Variants in AFF1 observed in about 807,000 individuals in gnomAD.
AFF1 encodes the protein AF4/FMR2 family member 1.
In AFF1, 48 loss-of-function variants were observed where a neutral mutation model predicts 121.7. The ratio of observed to expected loss-of-function variants is 0.39; its 90% confidence interval spans 0.31 to 0.50. The LOEUF is 0.50. AFF1 is among the 20% of genes least tolerant of loss of function. The pLI, the probability that AFF1 is intolerant of heterozygous loss-of-function variation, is 0.76. For missense variants in AFF1, 1,523 were observed against 1,511.7 expected, an observed-to-expected ratio of 1.01 and a Z score of -0.12; for synonymous variants, 613 against 563.0, an observed-to-expected ratio of 1.09 and a Z score of -1.26.
intron 2 of AFF1, among the ~76,000 whole-genome samples, chr4:87,001,703 A>AG (rs1193690760): frequency 6.6e-6 from 1 of 152,184 alleles, no homozygotes; most frequent in Non-Finnish European, 1.5e-5. Context: ...TAAGGATAGG[A>AG]GGGCTGCTTT....
intron 2 of AFF1, among the ~76,000 whole-genome samples, chr4:86,984,384 G>C (rs1724041587): frequency 6.8e-6 from 1 of 147,802 alleles, no homozygotes; most frequent in Non-Finnish European, 1.5e-5. Context: ...CTGAGGTGCA[G>C]TGGTGCAATC....
At chr4:86,946,618 C>T (rs1004932435) in intron 1 of AFF1, among the ~76,000 whole-genome samples, 1 of 151,984 alleles carries the variant, frequency 6.6e-6, no homozygotes, top group Admixed American at 6.6e-5. Flanking sequence ...TCTTGAACTC[C>T]TGAGCTCAAG....
At position 87,136,893 on chromosome 4, in the gene AFF1, CTT is replaced by C. The variant is rs985692173; in HGVS notation, c.*1195_*1196del. 9.0e-6 allele frequency: 2 copies of C among 221,200 alleles called. No individual in the cohort carries two copies. Among genetic ancestry groups the C allele is most frequent in the African/African-American group, 4.5e-5 (2 of 44,714 alleles). The allele number at this position is 221,200 out of a possible 1,614,324, so 13.7% of individuals were successfully genotyped here. A position where few individuals can be genotyped will look rare whatever the true frequency, so the allele number is the denominator to read the frequency against. ...TAGAGATTTGGGGTGGTTGATTAGA[CTT>C]TTGAAAAACTCATCACCACATGCCT... On this transcript the variant is annotated 3_prime_UTR_variant, in exon 21 of 21. Transcript: ENST00000395146.
At chr4:86,975,306 A>G (rs34695855) in intron 2 of AFF1, among the ~76,000 whole-genome samples, 60,014 of 152,010 alleles carry the variant, frequency 0.39, 14,261 homozygotes, top group South Asian at 0.56. Context: ...GCTGGAGTGC[A>G]GTGGTGCAGT....
chr4:87,022,664 G>C lies in AFF1; in HGVS notation c.39-23502G>C, dbSNP rs1436463257. Among the ~76,000 whole-genome samples, 41 of 144,718 alleles carry C rather than the reference G, an allele frequency of 2.8e-4. 1 individual carries two copies. The highest frequency in any genetic ancestry group is 9.9e-4 in the African/African-American group (38 of 38,378). 94.9% of individuals were successfully genotyped at this position (144,718 alleles called of 152,430 possible). A position where few individuals can be genotyped will look rare whatever the true frequency, so the allele number is the denominator to read the frequency against. On this transcript the variant is annotated intron_variant, in intron 2 of 20. Transcript: ENST00000395146. ...TATATATGTGTGTGTATATATATGT[G>C]TGTGTATATATATGTGTGTGTATGT...
At chr4:87,113,445 G>GT (rs1293881909) in intron 11 of AFF1, among the ~76,000 whole-genome samples, 3 of 152,110 alleles carry the variant, frequency 2.0e-5, no homozygotes, top group East Asian at 3.9e-4. Flanking sequence ...TAATTTTTTA[G>GT]TTTTTTGTAG....
intron 1 of AFF1, chr4:86,936,185 G>A (rs1719977673): frequency 1.3e-5 from 2 of 152,244 alleles, no homozygotes; most frequent in African/African-American, 2.4e-5. Flanking sequence ...CTGTTAGGGG[G>A]AAAGGCCTTG....
At position 87,127,042 on chromosome 4, in the gene AFF1, C is replaced by T; in HGVS notation, c.2828C>T (p.Thr943Ile). ...SSEHKGSSGD[T>I]ANPFPVPSLP... The stretch of plus-strand genomic sequence containing the variant: ...TTTTTGAAGGGTTCTTCCGGAGATA[C>T]TGCAAATCCTTTTCCAGTGCCTTCT... Residue 943 changes from threonine (T) to isoleucine (I), a missense_variant, in exon 15 of 21, where the codon ACT becomes ATT. By Grantham distance (89) the Thr-to-Ile change is moderately conservative. Transcript: ENST00000395146. 2 of 1,613,672 alleles carry T rather than the reference C, an allele frequency of 1.2e-6. No homozygotes were observed. The highest frequency in any genetic ancestry group is 8.5e-7 in the Non-Finnish European group (1 of 1,179,842).
chr4:87,064,636 T>A (rs775165307), intron 4 of AFF1, among the ~76,000 whole-genome samples: 6 of 152,018 alleles, frequency 3.9e-5, no homozygotes, highest in Non-Finnish European at 8.8e-5. Context: ...CTCAGCACTT[T>A]GGGAGGCTGA....
At chr4:87,096,317 T>TTC (rs1724849060) in intron 8 of AFF1, among the ~76,000 whole-genome samples, 1 of 146,758 alleles carries the variant, frequency 6.8e-6, no homozygotes, top group Non-Finnish European at 1.5e-5. Flanking sequence ...TTTTTTTTTT[T>TTC]TTTGGAGACA....
At chr4:86,965,382 G>GTT (rs887778552) in intron 2 of AFF1, among the ~76,000 whole-genome samples, 1 of 152,186 alleles carries the variant, frequency 6.6e-6, no homozygotes, top group African/African-American at 2.4e-5. Flanking sequence ...GTTTTTGTCT[G>GTT]TTTTAACCAG....
At chr4:87,083,496 C>T (rs535150565) in intron 4 of AFF1, among the ~76,000 whole-genome samples, 3 of 152,178 alleles carry the variant, frequency 2.0e-5, no homozygotes, top group African/African-American at 7.2e-5. Flanking sequence ...TCCTTACTTT[C>T]GACCCACTAA....
At chr4:86,972,112 G>A (rs921341122) in intron 2 of AFF1, among the ~76,000 whole-genome samples, 3 of 139,200 alleles carry the variant, frequency 2.2e-5, no homozygotes, top group African/African-American at 8.2e-5. Context: ...TCTAACCTGG[G>A]CAGAGCCAGA....
intron 2 of AFF1, among the ~76,000 whole-genome samples, chr4:86,957,141 G>T (rs1008536411): frequency 6.6e-6 from 1 of 152,136 alleles, no homozygotes; most frequent in Non-Finnish European, 1.5e-5. Context: ...ATCATTTTAG[G>T]TGCTAAACTT....
intron 2 of AFF1, among the ~76,000 whole-genome samples, chr4:87,044,440 G>A (rs1328148639): frequency 6.6e-6 from 1 of 152,196 alleles, no homozygotes; most frequent in Non-Finnish European, 1.5e-5. Context: ...TGCTAGGGGA[G>A]AAGGGAGGAG....
intron 12 of AFF1, among the ~76,000 whole-genome samples, chr4:87,115,711 C>T (rs757376140): frequency 4.1e-5 from 6 of 145,412 alleles, no homozygotes; most frequent in Admixed American, 7.1e-5. Flanking sequence ...TGGGGTGAAA[C>T]GATCCTCCTA....
In AFF1 at chr4:87,046,184, A is replaced by G; in HGVS notation, c.57A>G (p.Arg19=). 1.2e-6 allele frequency: 2 copies of G among 1,613,694 alleles called. No individual in the cohort carries two copies. The highest frequency in any genetic ancestry group is 1.7e-6 in the Non-Finnish European group (2 of 1,179,880). Residue 19 remains arginine (R), a synonymous_variant, in exon 3 of 21, where the codon AGA becomes AGG. Transcript: ENST00000395146. ...SSGNSLYNDD[R]NLLRIREKER... ...GAAACAGTTTGTACAATGACGACAG[A>G]AACCTGCTTCGAATTAGAGAGAAGG...
intron 2 of AFF1, among the ~76,000 whole-genome samples, chr4:87,040,131 G>T (rs1445102129): frequency 1.3e-5 from 2 of 152,102 alleles, no homozygotes; most frequent in Admixed American, 1.3e-4. Context: ...ACGACCTCAG[G>T]TGATCCTCCC....
chr4:87,075,817 T>C (rs964075001), intron 4 of AFF1, among the ~76,000 whole-genome samples: 14 of 152,160 alleles, frequency 9.2e-5, no homozygotes, highest in Admixed American at 5.2e-4. Flanking sequence ...TGAGCTGACA[T>C]ATATTGCTTC....
Sources: gnomAD v4.1 joint callset for allele counts (sites outside exome capture counted in the v4.1 genomes callset) on GRCh38, gnomAD v4.1.1 for gene constraint, MANE v1.5 for transcripts, NCBI Gene and HGNC (gene_info 2026-07-23, HGNC 2026-07-21) for gene names.